Variants in XPNPEP2 observed in about 807,000 individuals in gnomAD.
XPNPEP2 encodes the protein X-prolyl aminopeptidase 2.
A neutral mutation model predicts 59.8 loss-of-function variants in XPNPEP2; 64 were observed. The ratio of observed to expected loss-of-function variants is 1.07; its 90% CI spans 0.87 to 1.32. XPNPEP2 has a LOEUF of 1.32. Among genes scored for constraint, XPNPEP2 ranks in the 40% most tolerant of loss-of-function variants. The pLI is 0.00. For synonymous variants in XPNPEP2, 235 were observed against 210.0 expected (o/e 1.12, Z -1.03); for missense variants, 575 against 546.8 (o/e 1.05, Z -0.51).
chrX:129,755,052 T>A (rs112326198), intron 12 of XPNPEP2, among the ~76,000 whole-genome samples: 32 of 111,837 alleles, frequency 2.9e-4, no homozygotes, highest in Non-Finnish European at 1.9e-5. Context: ...TTCACTCCTA[T>A]CCGTAAAATG....
chrX:129,742,233 C>T (rs1347312888), intron 2 of XPNPEP2, 52 bp downstream of exon 2: 1 of 689,302 alleles, frequency 1.5e-6, no homozygotes, highest in Admixed American at 3.1e-5. Flanking sequence ...ACGCACCCCC[C>T]CACCCCTGCC....
intron 8 of XPNPEP2, 21 bp downstream of exon 8, chrX:129,750,590 A>G: frequency 2.6e-6 from 3 of 1,151,975 alleles, no homozygotes. Flanking sequence ...ATTTGCAGAC[A>G]TGGGTGGGCG....
Position 129,754,507 on chromosome X carries a change from C to G in XPNPEP2, c.1143C>G (p.Val381=). 1 of 1,195,328 alleles carries G rather than the reference C, an allele frequency of 8.4e-7. No individual in the cohort carries two copies. The highest frequency in any genetic ancestry group is 1.1e-6 in the Non-Finnish European group (1 of 887,993). Residue 381 remains valine, a synonymous_variant, in exon 12 of 21, where the codon GTC becomes GTG. Coordinates refer to ENST00000371106, the MANE Select transcript of XPNPEP2 (RefSeq NM_003399.6). Reference sequence around the variant, plus strand: ...CTGTGGCTGTGATCCGGTACTTGGTCTGGCTGGAGAAGAACGTGCCCAAAG... The same window carrying G: ...CTGTGGCTGTGATCCGGTACTTGGTGTGGCTGGAGAAGAACGTGCCCAAAG... ...RDAVAVIRYL[V]WLEKNVPKGT...
chrX:129,753,226 AG>A lies in XPNPEP2; in HGVS notation c.1087del (p.Ala363ProfsTer14). 2 of 1,211,886 alleles carry A rather than the reference AG, an allele frequency of 1.7e-6. No individual in the cohort carries two copies. Among genetic ancestry groups the A allele is most frequent in the Non-Finnish European group, 1.1e-6 (1 of 895,382 alleles). ...MTKAVKNSKE[Q>X]ALLKASHVRD... is the part of the protein sequence containing the mutation. ...AAGGCAGTGAAGAACAGCAAGGAGC[AG>A]GCCCTCCTCAAGGCCAGCCACGTAA... is the stretch of plus-strand genomic sequence containing the variant. On this transcript the variant is annotated frameshift_variant, in exon 11 of 21. Transcript: ENST00000371106. LOFTEE classifies it high-confidence loss of function.
intron 19 of XPNPEP2, among the ~76,000 whole-genome samples, chrX:129,765,635 C>CTTTTTTTTTTTT (rs56014067): frequency 1.5e-3 from 98 of 67,287 alleles, no homozygotes; most frequent in Non-Finnish European, 2.0e-3. Flanking sequence ...TTCTTTCTTT[C>CTTTTTTTTTTTT]TTTTTTTTTT....
At position 129,756,564 on chromosome X, in the gene XPNPEP2, C is replaced by T. The variant is rs767142741; in HGVS notation, c.1367+9C>T. On this transcript the variant is annotated intron_variant, in intron 14 of 20. Transcript: ENST00000371106. ...TCTGGGGGGCAGTACTGGTATGTAC[C>T]CCGACCTCACCCTAGCCTGGATGTC... 1 of 1,206,363 alleles carries T rather than the reference C, an allele frequency of 8.3e-7. No homozygotes were observed. The highest frequency in any genetic ancestry group is 1.1e-6 in the Non-Finnish European group (1 of 890,921).
In XPNPEP2 at chrX:129,757,893, GAGAAAGAAAGAAAGAAAGAAAGAAAGAA is replaced by G. The variant is rs558575574; in HGVS notation, c.1368-1245_1368-1218del. Reference sequence around the variant, plus strand: ...AGAGAAAGAGAGAGAGAGAGAGAGAGAGAAAGAAAGAAAGAAAGAAAGAAAGAAAGAAAGAAAGAAAGAAAGAAAGAAA... The same window carrying G: ...AGAGAAAGAGAGAGAGAGAGAGAGAGAGAAAGAAAGAAAGAAAGAAAGAAA... On this transcript the variant is annotated intron_variant, in intron 14 of 20. Coordinates refer to ENST00000371106, the MANE Select transcript of XPNPEP2 (RefSeq NM_003399.6). 3.6e-3 allele frequency among the ~76,000 whole-genome samples: 187 copies of G among 51,780 alleles called. 2 individuals carry two copies. Among genetic ancestry groups the G allele is most frequent in the Admixed American group, 5.7e-3 (25 of 4,363 alleles). 45.0% of individuals were successfully genotyped at this position (51,780 alleles called of 115,157 possible).
intron 11 of XPNPEP2, among the ~76,000 whole-genome samples, chrX:129,753,621 C>T (rs894212891): frequency 9.1e-6 from 1 of 109,977 alleles, no homozygotes; most frequent in Non-Finnish European, 1.9e-5. Context: ...CCAGCCTGGG[C>T]GAGACTAGGT....
At position 129,754,595 on chromosome X, in the gene XPNPEP2, G is replaced by A; in HGVS notation, c.1217+14G>A. 1 of 1,167,709 alleles carries A rather than the reference G, an allele frequency of 8.6e-7. No homozygotes were observed. Among genetic ancestry groups the A allele is most frequent in the Non-Finnish European group, 1.1e-6 (1 of 870,764 alleles). On this transcript the variant is annotated intron_variant, in intron 12 of 20. Coordinates refer to ENST00000371106, the MANE Select transcript of XPNPEP2 (RefSeq NM_003399.6). ...CAAGTTCCGAGGGTGAAGAGCCACG[G>A]CCGTCCTTTTTGGCTGACTGTCTTT...
Position 129,752,363 on chromosome X carries a change from C to T in XPNPEP2, c.1017+18C>T. 1 of 1,202,815 alleles carries T rather than the reference C, an allele frequency of 8.3e-7. No homozygotes were observed. The highest frequency in any genetic ancestry group is 1.1e-6 in the Non-Finnish European group (1 of 889,400). Reference sequence around the variant, plus strand: ...TACCCAAGGTGGGTTTGCCAGGCCCCAGCCCAAGCCAGGCACCAATCCCCA... The same window carrying T: ...TACCCAAGGTGGGTTTGCCAGGCCCTAGCCCAAGCCAGGCACCAATCCCCA... On this transcript the variant is annotated intron_variant, in intron 10 of 20. Transcript: ENST00000371106.
intron 10 of XPNPEP2, 34 bp from the exon 11 acceptor site, chrX:129,753,125 C>T: frequency 8.5e-7 from 1 of 1,177,326 alleles, no homozygotes; most frequent in South Asian, 1.8e-5. Context: ...ACCTGTGCCC[C>T]CAGACCTCCT....
chrX:129,742,309 A>G (rs1698287345), intron 2 of XPNPEP2, 128 bp downstream of exon 2: 2 of 361,456 alleles, frequency 5.5e-6, no homozygotes, highest in Non-Finnish European at 4.8e-6. Context: ...TCATTGGGTC[A>G]GTTGGTAGCC....
At chrX:129,765,429 T>C (rs1158295702) in intron 19 of XPNPEP2, among the ~76,000 whole-genome samples, 4 of 111,313 alleles carry the variant, frequency 3.6e-5, no homozygotes, top group Non-Finnish European at 5.6e-5. Flanking sequence ...GCATTTTTAA[T>C]AGGTAATTTG....
chrX:129,742,505 C>T (rs943091661), intron 2 of XPNPEP2, among the ~76,000 whole-genome samples: 2 of 109,650 alleles, frequency 1.8e-5, no homozygotes, highest in Non-Finnish European at 3.8e-5. Flanking sequence ...AGGCCCCTAA[C>T]TGGCCTTTGG....
At position 129,751,831 on chromosome X, in the gene XPNPEP2, G is replaced by A; in HGVS notation, c.821+5G>A. ...GCTCACAGACTCTTCTATTAGGTAT[G>A]GCTTTTCCTTAGCTTGCTGTTGTGG... is the stretch of plus-strand genomic sequence containing the variant. On this transcript the variant is annotated splice_donor_5th_base_variant and intron_variant, in intron 9 of 20. Transcript: ENST00000371106. The A allele has an allele frequency of 8.3e-7, 1 of 1,204,518 alleles. No homozygotes were observed.
Position 129,755,346 on chromosome X carries a change from C to T in XPNPEP2, c.1270C>T (p.Leu424=), listed in dbSNP as rs948185198. The T allele has an allele frequency of 1.2e-5, 14 of 1,210,251 alleles. No individual in the cohort carries two copies. The African/African-American group carries it at 1.9e-4, about 17-fold the overall frequency. ...TTTTGAAACCATCTCTGCTAGTGGT[C>T]TGAATGCTGCCCTGGCCCACTACAG... ...PSFETISASG[L]NAALAHYSPT... is the part of the protein sequence containing the mutation. The change falls in exon 13 of 21, where the codon CTG becomes TTG. Residue 424 remains leucine (L), a synonymous_variant. Transcript: ENST00000371106.
intron 14 of XPNPEP2, among the ~76,000 whole-genome samples, chrX:129,757,849 A>T: frequency 1.2e-5 from 1 of 84,241 alleles, no homozygotes; most frequent in South Asian, 6.1e-4. Flanking sequence ...GAAAGAAAGA[A>T]AGAAAGAAAG....
intron 2 of XPNPEP2, among the ~76,000 whole-genome samples, chrX:129,742,436 T>A (rs984024185): frequency 9.5e-6 from 1 of 105,362 alleles, no homozygotes; most frequent in East Asian, 3.1e-4. Context: ...CAGCAGGTTA[T>A]CTGCTTCCGT....
chrX:129,753,507 G>A (rs1426501115), intron 11 of XPNPEP2, among the ~76,000 whole-genome samples: 1 of 111,207 alleles, frequency 9.0e-6, no homozygotes, highest in African/African-American at 3.3e-5. Context: ...GCCAGGCGTG[G>A]TGGCGATCAC....
Sources: allele counts gnomAD v4.1 joint callset (sites outside exome capture counted in the v4.1 genomes callset), GRCh38; gene constraint gnomAD v4.1.1; transcripts MANE v1.5; gene names NCBI Gene and HGNC (gene_info 2026-07-23, HGNC 2026-07-21).